CTNNA3: variants seen among roughly 807,000 people sequenced by gnomAD.
The protein encoded by CTNNA3 is catenin alpha 3.
CTNNA3 carries 76 observed loss-of-function variants against 95.7 expected under a neutral mutation model. That is an observed-to-expected ratio of 0.79 (90% CI 0.66 to 0.96). The LOEUF (loss-of-function observed/expected upper bound fraction) is 0.96, where lower values mean the gene tolerates loss of function less well. CTNNA3 is among the 40% of genes least tolerant of loss of function. The pLI is 0.00. For missense variants in CTNNA3, 1,191 were observed against 1,089.8 expected (o/e 1.09, Z -1.31); for synonymous variants, 431 against 374.4 (o/e 1.15, Z -1.74).
intron 7 of CTNNA3, among the ~76,000 whole-genome samples, chr10:66,867,810 A>T (rs982471667): frequency 1.3e-5 from 2 of 151,596 alleles, no homozygotes; most frequent in African/African-American, 4.9e-5. Flanking sequence ...ATTTACATTT[A>T]AAAAGAATAG....
chr10:66,315,124 T>A lies in CTNNA3; in HGVS notation c.1733-34503A>T, dbSNP rs191457747. ...ATTAATAAATTTTACTGAGATAGCT[T>A]ATTGCTCCTTTTTTTTTCTCTACTA... On this transcript the variant is annotated intron_variant, in intron 12 of 17. Transcript: ENST00000433211. Among the ~76,000 whole-genome samples, 16 of 152,158 alleles carry A rather than the reference T, an allele frequency of 1.1e-4. 1 individual carries two copies. The highest frequency in any genetic ancestry group is 9.2e-4 in the Admixed American group (14 of 15,292).
At chr10:66,685,352 T>TATATA (rs1387088025) in intron 9 of CTNNA3, among the ~76,000 whole-genome samples, 1 of 10,248 alleles carries the variant, frequency 9.8e-5, no homozygotes, top group Non-Finnish European at 1.6e-4. Flanking sequence ...TATATATATA[T>TATATA]TTTTTTTTTT....
In CTNNA3 at chr10:66,668,422, A is replaced by ATATGTGTGTGTG. The variant is rs1554832734; in HGVS notation, c.1282-46639_1282-46638insCACACACACATA. Among the ~76,000 whole-genome samples, 1,425 of 146,970 alleles carry ATATGTGTGTGTG rather than the reference A, an allele frequency of 9.7e-3. 23 individuals carry two copies. Among genetic ancestry groups the ATATGTGTGTGTG allele is most frequent in the African/African-American group, 0.024 (958 of 39,714 alleles). ...CTAAAACTTTTTTCTCAACTCTCATATGTGTGTGTGTGTGTGTGTGTGTGT... is the reference window on the plus strand; with the variant it reads ...CTAAAACTTTTTTCTCAACTCTCATATATGTGTGTGTGTGTGTGTGTGTGTGTGTGTGTGTGT... On this transcript the variant is annotated intron_variant, in intron 9 of 17. Transcript: ENST00000433211.
At chr10:66,334,412 G>T (rs896756323) in intron 12 of CTNNA3, among the ~76,000 whole-genome samples, 1 of 151,270 alleles carries the variant, frequency 6.6e-6, no homozygotes, top group Non-Finnish European at 1.5e-5. Flanking sequence ...AGCTCTGTTT[G>T]TCACCACCAG....
In CTNNA3 at chr10:67,744,082, G is replaced by C. The variant is rs1450606380; in HGVS notation, c.-2+19352C>G. ...CATGAAAATGGCCATACTGCCCAAG[G>C]TAATTTATAGATTCAATGCCATCCC... On this transcript the variant is annotated intron_variant, in intron 1 of 17. Coordinates refer to the CTNNA3 transcript ENST00000684154. Among the ~76,000 whole-genome samples the C allele has an allele frequency of 1.3e-5, 2 of 151,170 alleles. 1 individual carries two copies. The highest frequency in any genetic ancestry group is 3.0e-5 in the Non-Finnish European group (2 of 67,720).
intron 12 of CTNNA3, among the ~76,000 whole-genome samples, chr10:66,346,167 G>A (rs1005401306): frequency 6.8e-6 from 1 of 146,222 alleles, no homozygotes; most frequent in Non-Finnish European, 1.5e-5. Flanking sequence ...CCTCCAATTT[G>A]TTGTAATATA....
chr10:65,979,503 G>A (rs1422923733), intron 16 of CTNNA3, among the ~76,000 whole-genome samples: 3 of 152,100 alleles, frequency 2.0e-5, no homozygotes, highest in Non-Finnish European at 4.4e-5. Context: ...GGAAAAGATG[G>A]TGGAAAGGTA....
intron 12 of CTNNA3, among the ~76,000 whole-genome samples, chr10:66,374,061 A>T (rs1721180516): frequency 6.6e-6 from 1 of 152,194 alleles, no homozygotes; most frequent in African/African-American, 2.4e-5. Flanking sequence ...TCACAGTGTA[A>T]TCTTGCAGTA....
At position 67,564,492 on chromosome 10, in the gene CTNNA3, AT is replaced by A. The variant is rs1841671830; in HGVS notation, c.293-24824del. 5.6e-5 allele frequency among the ~76,000 whole-genome samples: 4 copies of A among 71,970 alleles called. No individual in the cohort carries two copies. In the South Asian group the frequency reaches 2.4e-3, roughly 43 times the overall value. 47.2% of individuals were successfully genotyped at this position (71,970 alleles called of 152,430 possible). A position where few individuals can be genotyped will look rare whatever the true frequency, so the allele number is the denominator to read the frequency against. Reference sequence around the variant, plus strand: ...GGAACATCACACACTGGGGCCTGTCATGGGGTGGGGGGAGGGGGGATGGATA... The same window carrying A: ...GGAACATCACACACTGGGGCCTGTCAGGGGTGGGGGGAGGGGGGATGGATA... On this transcript the variant is annotated intron_variant, in intron 3 of 17. Transcript: ENST00000433211.
At chr10:66,246,554 C>G (rs909221489) in intron 13 of CTNNA3, among the ~76,000 whole-genome samples, 6 of 151,946 alleles carry the variant, frequency 3.9e-5, no homozygotes, top group Admixed American at 1.3e-4. Flanking sequence ...ACTGCCATTA[C>G]TTTCAGAAAA....
At chr10:67,412,430 C>A (rs1015180611) in intron 5 of CTNNA3, among the ~76,000 whole-genome samples, 4 of 152,020 alleles carry the variant, frequency 2.6e-5, no homozygotes, top group Non-Finnish European at 5.9e-5. Flanking sequence ...TTGTAAAATA[C>A]ATTTGAGGAC....
At chr10:66,147,838 T>C (rs994361777) in intron 13 of CTNNA3, among the ~76,000 whole-genome samples, 9 of 151,394 alleles carry the variant, frequency 5.9e-5, no homozygotes, top group African/African-American at 1.9e-4. Context: ...AGCATGTATG[T>C]ATATTAATAT....
chr10:66,515,217 C>G lies in CTNNA3; in HGVS notation c.1531+5400G>C, dbSNP rs907742993. On this transcript the variant is annotated intron_variant, in intron 11 of 17. Coordinates refer to ENST00000433211, the MANE Select transcript of CTNNA3 (RefSeq NM_013266.4). ...TATTCTGAGAATTCACACGTTTTCA[C>G]AAATGATTCAGAAGAAAATGGAAAT... Among the ~76,000 whole-genome samples the G allele has an allele frequency of 2.0e-5, 3 of 151,922 alleles. No homozygotes were observed. The South Asian group carries it at 6.2e-4, about 31-fold the overall frequency.
At chr10:66,016,200 C>T (rs1040754631) in intron 15 of CTNNA3, among the ~76,000 whole-genome samples, 2 of 152,112 alleles carry the variant, frequency 1.3e-5, no homozygotes, top group African/African-American at 2.4e-5. Context: ...TATTTAATAG[C>T]TCATTTATTG....
intron 5 of CTNNA3, among the ~76,000 whole-genome samples, chr10:67,340,070 G>A (rs1275172461): frequency 6.6e-6 from 1 of 151,996 alleles, no homozygotes; most frequent in Admixed American, 6.6e-5. Flanking sequence ...TAATTGTCCT[G>A]CTTATATTTT....
intron 7 of CTNNA3, among the ~76,000 whole-genome samples, chr10:66,838,508 C>A (rs569879031): frequency 1.3e-5 from 2 of 152,102 alleles, no homozygotes; most frequent in East Asian, 3.9e-4. Context: ...GCCTGAAGAG[C>A]TATGTTGGGG....
intron 5 of CTNNA3, among the ~76,000 whole-genome samples, chr10:67,481,840 T>G (rs1848243746): frequency 6.6e-6 from 1 of 152,158 alleles, no homozygotes; most frequent in Non-Finnish European, 1.5e-5. Flanking sequence ...ATGTCCTGAA[T>G]GGTAATGCCT....
At chr10:66,856,902 A>G (rs905449401) in intron 7 of CTNNA3, among the ~76,000 whole-genome samples, 9 of 152,018 alleles carry the variant, frequency 5.9e-5, no homozygotes, top group Admixed American at 2.6e-4. Flanking sequence ...GAAGCTCTTT[A>G]GTTTAATTAG....
intron 7 of CTNNA3, chr10:67,015,467 C>T (rs897483454): frequency 2.0e-5 from 3 of 152,120 alleles, no homozygotes; most frequent in African/African-American, 7.2e-5. Context: ...TACTTCCCCT[C>T]CTTCAGAATT....
Sources: allele counts gnomAD v4.1 joint callset (sites outside exome capture counted in the v4.1 genomes callset), GRCh38; gene constraint gnomAD v4.1.1; transcripts MANE v1.5; gene names NCBI Gene and HGNC (gene_info 2026-07-23, HGNC 2026-07-21).